LINGO2: variants seen among roughly 807,000 people sequenced by gnomAD.
LINGO2 encodes the protein leucine-rich repeat and immunoglobulin-like domain-containing nogo receptor-interacting protein 2.
Under a neutral mutation model 30.6 loss-of-function variants are expected in LINGO2, and 14 were observed. That is an observed-to-expected ratio of 0.46 (90% CI 0.30 to 0.72). LINGO2 has a LOEUF of 0.72. Among genes scored for constraint, LINGO2 ranks in the 30% least tolerant of loss-of-function variants. The pLI, the probability that LINGO2 is intolerant of heterozygous loss-of-function variation, is 0.07. For synonymous variants in LINGO2, 317 were observed against 288.5 expected (o/e 1.10, Z -1.00); for missense variants, 729 against 751.7 (o/e 0.97, Z 0.35).
intron 1 of LINGO2, among the ~76,000 whole-genome samples, chr9:28,574,158 G>C (rs145591253): frequency 6.6e-6 from 1 of 152,268 alleles, no homozygotes; most frequent in African/African-American, 2.4e-5. Context: ...ATGTGTGCTT[G>C]TTAGCATGTG....
At chr9:28,811,239 A>C in the LINGO2 span, among the ~76,000 whole-genome samples, 84 of 152,198 alleles carry the variant, frequency 5.5e-4, 2 homozygotes, top group South Asian at 0.016. Flanking sequence ...TCTGACTCCA[A>C]ATCATATCTT....
rs191888067 is a variant in LINGO2 at position 28,361,352 on chromosome 9, T to A, written c.-246+11484A>T. On this transcript the variant is annotated intron_variant, in intron 3 of 5. Coordinates refer to ENST00000379992, the Ensembl canonical transcript of LINGO2. ...AGGTATGTATGTATAGGGAAAAACA[T>A]AGAGTTCGATATTATCTGTGGCCAG... 1.5e-3 allele frequency among the ~76,000 whole-genome samples: 224 copies of A among 152,292 alleles called. 1 individual carries two copies. Among genetic ancestry groups the A allele is most frequent in the African/African-American group, 5.2e-3 (215 of 41,552 alleles).
intron 2 of LINGO2, among the ~76,000 whole-genome samples, chr9:28,378,460 T>G (rs1421998996): frequency 6.6e-6 from 1 of 152,148 alleles, no homozygotes; most frequent in Non-Finnish European, 1.5e-5. Context: ...CAGGAAACAC[T>G]TTAATGAAGC....
At position 28,369,756 on chromosome 9, in the gene LINGO2, T is replaced by C. The variant is rs141480830; in HGVS notation, c.-246+3080A>G. On this transcript the variant is annotated intron_variant, in intron 3 of 5. Transcript: ENST00000379992. ...AAGGTTTTGATGAAGATTTGAAACATTGCAGTGTGAAAGATTTGACAGGTG... is the reference window on the plus strand; with the variant it reads ...AAGGTTTTGATGAAGATTTGAAACACTGCAGTGTGAAAGATTTGACAGGTG... Among the ~76,000 whole-genome samples, 37 of 152,320 alleles carry C rather than the reference T, an allele frequency of 2.4e-4. No individual in the cohort carries two copies. The East Asian group carries it at 6.9e-3, about 29-fold the overall frequency.
At chr9:29,149,609 T>A in the LINGO2 span, among the ~76,000 whole-genome samples, 1 of 150,842 alleles carries the variant, frequency 6.6e-6, no homozygotes, top group East Asian at 2.0e-4. Context: ...AGGGAAGAGG[T>A]GAGTGAAGGG....
intron 1 of LINGO2, among the ~76,000 whole-genome samples, chr9:28,569,524 A>T (rs1349702776): frequency 6.6e-6 from 1 of 151,796 alleles, no homozygotes; most frequent in East Asian, 1.9e-4. Context: ...TTAACAGAGA[A>T]GCCAGACACA....
At chr9:28,664,383 G>T (rs1443321121) in intron 1 of LINGO2, among the ~76,000 whole-genome samples, 1 of 152,076 alleles carries the variant, frequency 6.6e-6, no homozygotes, top group Admixed American at 6.6e-5. Context: ...CACAGTCTAG[G>T]TTAGAAGCCT....
chr9:28,546,863 TA>T (rs1821977985), intron 1 of LINGO2, among the ~76,000 whole-genome samples: 1 of 152,018 alleles, frequency 6.6e-6, no homozygotes, highest in African/African-American at 2.4e-5. Context: ...GTAGATCAGT[TA>T]AATTAGAGAA....
intron 1 of LINGO2, among the ~76,000 whole-genome samples, chr9:28,524,095 G>C (rs1820926207): frequency 6.6e-6 from 1 of 152,082 alleles, no homozygotes; most frequent in African/African-American, 2.4e-5. Context: ...CAATGGAATA[G>C]AATTGAGACT....
chr9:28,470,828 T>A (rs905028586), intron 2 of LINGO2, among the ~76,000 whole-genome samples: 2 of 150,502 alleles, frequency 1.3e-5, no homozygotes, highest in Admixed American at 1.3e-4. Flanking sequence ...TAGGCTTGCA[T>A]ACATTTAATG....
At chr9:28,985,728 T>A in the LINGO2 span, among the ~76,000 whole-genome samples, 1 of 152,028 alleles carries the variant, frequency 6.6e-6, no homozygotes, top group Non-Finnish European at 1.5e-5. Flanking sequence ...TTTCTCGCTA[T>A]TGAATTGTTT....
chr9:28,535,044 C>A (rs952806706), intron 1 of LINGO2, among the ~76,000 whole-genome samples: 2 of 151,970 alleles, frequency 1.3e-5, no homozygotes, highest in African/African-American at 4.8e-5. Flanking sequence ...CTATTTGACC[C>A]CGGAATTCTT....
rs1359461162 is a variant in LINGO2, at chr9:28,223,795, G to C, written c.-87+71413C>G. ...CCTATGGAAATAAAGAGAGAAAAAA[G>C]ACAAATATGGCCATGCTTTTTAAAA... On this transcript the variant is annotated intron_variant, in intron 4 of 5. Transcript: ENST00000379992. Among the ~76,000 whole-genome samples the C allele has an allele frequency of 2.0e-5, 3 of 152,024 alleles. No individual in the cohort carries two copies. In the East Asian group the frequency reaches 5.8e-4, roughly 29 times the overall value.
chr9:28,816,098 G>A, the LINGO2 span, among the ~76,000 whole-genome samples: 1 of 152,122 alleles, frequency 6.6e-6, no homozygotes, highest in Non-Finnish European at 1.5e-5. Context: ...CTTTTATGAG[G>A]AATCCGCATC....
the LINGO2 span, among the ~76,000 whole-genome samples, chr9:28,834,472 T>G: frequency 1.1e-4 from 16 of 152,154 alleles, no homozygotes; most frequent in African/African-American, 3.9e-4. Flanking sequence ...TCCAAATCCA[T>G]GTGTGTTAAA....
At chr9:28,010,167 CAT>C (rs767192366) in intron 5 of LINGO2, among the ~76,000 whole-genome samples, 6 of 152,132 alleles carry the variant, frequency 3.9e-5, no homozygotes, top group Admixed American at 2.0e-4. Context: ...ATAAAATGTC[CAT>C]AGAGGAAGCA....
the LINGO2 span, among the ~76,000 whole-genome samples, chr9:29,052,500 T>C: frequency 6.6e-6 from 1 of 152,200 alleles, no homozygotes; most frequent in Admixed American, 6.5e-5. Flanking sequence ...ATTTAGAAAG[T>C]GGTTTATTTT....
chr9:28,351,527 G>C (rs768956714), intron 3 of LINGO2, among the ~76,000 whole-genome samples: 15,786 of 147,070 alleles, frequency 0.11, 1,141 homozygotes, highest in Admixed American at 0.17. Context: ...CAACCAAAAA[G>C]AGTCCAGGAC....
the LINGO2 span, among the ~76,000 whole-genome samples, chr9:29,206,825 A>G: frequency 6.6e-6 from 1 of 152,324 alleles, no homozygotes; most frequent in South Asian, 2.1e-4. Context: ...ATAGAAAATT[A>G]GTTTATCAAC....
Sources: gnomAD v4.1 joint callset for allele counts (sites outside exome capture counted in the v4.1 genomes callset) on GRCh38, gnomAD v4.1.1 for gene constraint, MANE v1.5 for transcripts, NCBI Gene and HGNC (gene_info 2026-07-23, HGNC 2026-07-21) for gene names.